PCDH15: variants seen among roughly 807,000 people sequenced by gnomAD.
PCDH15 encodes protocadherin related 15, also known as protocadherin-15.
In PCDH15, 129 loss-of-function variants were observed where a neutral mutation model predicts 178.5. The observed-to-expected ratio is 0.72, with a 90% CI of 0.63 to 0.84. PCDH15 has a LOEUF of 0.84. PCDH15 is among the 40% of genes least tolerant of loss of function. PCDH15 has a pLI of 0.00. For synonymous variants in PCDH15, 800 were observed against 732.0 expected (o/e 1.09, Z -1.50); for missense variants, 2,230 against 2,099.9 (o/e 1.06, Z -1.21).
At chr10:54,203,329 A>C (rs1417891496) in intron 10 of PCDH15, among the ~76,000 whole-genome samples, 17 of 152,174 alleles carry the variant, frequency 1.1e-4, no homozygotes, top group African/African-American at 3.9e-4. Flanking sequence ...AATCCTCTTG[A>C]CATTCCATTA....
rs57135050 is a variant in PCDH15 at position 54,122,002 on chromosome 10, T to TACACACACACACACACACAC, written c.1917+10853_1917+10872dup. The stretch of plus-strand genomic sequence containing the variant: ...AATATCTAAACCGGGCAAAGACACA[T>TACACACACACACACACACAC]ACACACACACACACACACACACACA... On this transcript the variant is annotated intron_variant, in intron 15 of 37. Transcript: ENST00000644397. Among the ~76,000 whole-genome samples, 504 of 146,474 alleles carry TACACACACACACACACACAC rather than the reference T, an allele frequency of 3.4e-3. 2 individuals carry two copies. The highest frequency in any genetic ancestry group is 0.013 in the South Asian group (59 of 4,574).
At chr10:54,314,526 C>G (rs571226683) in intron 8 of PCDH15, among the ~76,000 whole-genome samples, 15 of 152,010 alleles carry the variant, frequency 9.9e-5, no homozygotes, top group African/African-American at 3.6e-4. Context: ...AAAAATGAAA[C>G]TTTTTTAAAA....
chr10:54,414,500 G>A (rs1458074479), intron 3 of PCDH15, among the ~76,000 whole-genome samples: 1 of 151,986 alleles, frequency 6.6e-6, no homozygotes, highest in Non-Finnish European at 1.5e-5. Flanking sequence ...TACAAATATG[G>A]AAGAATATAT....
intron 2 of PCDH15, among the ~76,000 whole-genome samples, chr10:54,928,612 T>C (rs536457644): frequency 6.6e-6 from 1 of 152,282 alleles, no homozygotes; most frequent in South Asian, 2.1e-4. Flanking sequence ...AATTCCATAT[T>C]TCTTGGCGGT....
At chr10:55,058,688 TATC>T (rs1363886718) in intron 2 of PCDH15, among the ~76,000 whole-genome samples, 3 of 152,216 alleles carry the variant, frequency 2.0e-5, no homozygotes, top group Non-Finnish European at 4.4e-5. Context: ...GTACTAATGT[TATC>T]ATATTTGGCA....
intron 3 of PCDH15, among the ~76,000 whole-genome samples, chr10:54,493,183 T>C (rs1388635057): frequency 3.9e-5 from 6 of 152,040 alleles, no homozygotes; most frequent in Non-Finnish European, 7.4e-5. Context: ...CACACAGTTA[T>C]ATAAGTATAG....
At chr10:55,238,992 C>T (rs749912932) in intron 1 of PCDH15, among the ~76,000 whole-genome samples, 2 of 152,168 alleles carry the variant, frequency 1.3e-5, no homozygotes, top group African/African-American at 2.4e-5. Context: ...CTACTTTATT[C>T]CCCACTCCCC....
chr10:54,304,170 G>T (rs1175886765), intron 8 of PCDH15, among the ~76,000 whole-genome samples: 1 of 151,990 alleles, frequency 6.6e-6, no homozygotes, highest in African/African-American at 2.4e-5. Context: ...CAGCTGTTTT[G>T]TATCTTATTT....
At chr10:54,086,965 T>C (rs1024027445) in intron 16 of PCDH15, among the ~76,000 whole-genome samples, 5 of 152,262 alleles carry the variant, frequency 3.3e-5, no homozygotes, top group Non-Finnish European at 5.9e-5. Flanking sequence ...ACTAGAGATA[T>C]AGGAAAGCAG....
intron 23 of PCDH15, among the ~76,000 whole-genome samples, chr10:53,956,215 A>G (rs533862475): frequency 6.6e-6 from 1 of 152,174 alleles, no homozygotes; most frequent in East Asian, 1.9e-4. Flanking sequence ...TTAGTTCCAT[A>G]TTTTTTTGGC....
At chr10:55,035,958 T>C (rs1840725766) in intron 2 of PCDH15, among the ~76,000 whole-genome samples, 1 of 152,158 alleles carries the variant, frequency 6.6e-6, no homozygotes, top group Admixed American at 6.5e-5. Flanking sequence ...CTCTTAACAA[T>C]TAGTTAATTG....
intron 2 of PCDH15, among the ~76,000 whole-genome samples, chr10:55,606,794 CT>C (rs1843228105): frequency 6.8e-6 from 1 of 146,514 alleles, no homozygotes; most frequent in Admixed American, 6.8e-5. Context: ...CATAAAAACC[CT>C]AGAAGAAAAC....
At chr10:55,272,800 C>G (rs1355876466) in intron 1 of PCDH15, among the ~76,000 whole-genome samples, 1 of 151,622 alleles carries the variant, frequency 6.6e-6, no homozygotes, top group Non-Finnish European at 1.5e-5. Flanking sequence ...CTCTTTTTTG[C>G]TTTACTTGGA....
chr10:54,473,663 A>T (rs1261974265), intron 3 of PCDH15, among the ~76,000 whole-genome samples: 1 of 152,070 alleles, frequency 6.6e-6, no homozygotes, highest in Non-Finnish European at 1.5e-5. Context: ...TCAATTTTCA[A>T]GACACTATAA....
chr10:54,602,954 A>G (rs2092603649), intron 2 of PCDH15, among the ~76,000 whole-genome samples: 1 of 152,110 alleles, frequency 6.6e-6, no homozygotes, highest in South Asian at 2.1e-4. Flanking sequence ...TTTGGTTATC[A>G]GGTCGATGCT....
At chr10:55,582,502 A>T (rs1370327542) in intron 2 of PCDH15, among the ~76,000 whole-genome samples, 1 of 150,960 alleles carries the variant, frequency 6.6e-6, no homozygotes, top group Non-Finnish European at 1.5e-5. Flanking sequence ...GCATATGTCT[A>T]TGTTGGCAGA....
chr10:54,395,970 C>T (rs1300860987), intron 3 of PCDH15, among the ~76,000 whole-genome samples: 1 of 152,030 alleles, frequency 6.6e-6, no homozygotes, highest in African/African-American at 2.4e-5. Context: ...ATATGCCACC[C>T]CAATTTAGGA....
chr10:54,802,190 G>A (rs576050323), upstream of PCDH15, among the ~76,000 whole-genome samples: 2 of 152,272 alleles, frequency 1.3e-5, no homozygotes, highest in East Asian at 1.9e-4. Context: ...TTACTAGGAT[G>A]ATACATTAAC....
rs778801885 is a variant in PCDH15, at chr10:54,369,270, C to T, written c.324G>A (p.Pro108=). 5.0e-6 allele frequency: 8 copies of T among 1,612,104 alleles called. No individual in the cohort carries two copies. Among genetic ancestry groups the T allele is most frequent in the East Asian group, 2.2e-5 (1 of 44,822 alleles). Residue 108 remains proline (P), a synonymous_variant, in exon 5 of 38, where the codon CCG becomes CCA. Coordinates refer to ENST00000644397, the MANE Select transcript of PCDH15 (RefSeq NM_001384140.1). ...STGRVLDRDP[P]MNIHSIVVQV... ...GCACCACAATGGAGTGTATGTTCAT[C>T]GGTGGCTGCAATGTAGAAATTGCAT...
Sources: allele counts gnomAD v4.1 joint callset (sites outside exome capture counted in the v4.1 genomes callset), GRCh38; gene constraint gnomAD v4.1.1; transcripts MANE v1.5; gene names NCBI Gene and HGNC (gene_info 2026-07-23, HGNC 2026-07-21).